The following DGKI variants were observed in gnomAD, a reference collection of about 807,000 sequenced individuals.
DGKI encodes diacylglycerol kinase iota.
In DGKI, 55 loss-of-function variants were observed where a neutral mutation model predicts 147.5. The observed-to-expected ratio is 0.37, with a 90% CI of 0.30 to 0.47. The LOEUF (loss-of-function observed/expected upper bound fraction) is 0.47, where lower values mean the gene tolerates loss of function less well. Among genes scored for constraint, DGKI ranks in the 20% least tolerant of loss-of-function variants. The pLI, the probability that DGKI is intolerant of heterozygous loss-of-function variation, is 1.00. For missense variants in DGKI, 1,007 were observed against 1,323.8 expected (o/e 0.76, Z 3.71); for synonymous variants, 469 against 477.1 (o/e 0.98, Z 0.22).
intron 9 of DGKI, among the ~76,000 whole-genome samples, 193 bp downstream of exon 9, chr7:137,609,342 A>G (rs920152215): frequency 1.3e-5 from 2 of 151,380 alleles, no homozygotes. Flanking sequence ...TTTCCAGGCA[A>G]GCGCAGAGGT....
At chr7:137,470,061 G>C (rs1814820577) in intron 23 of DGKI, among the ~76,000 whole-genome samples, 1 of 152,130 alleles carries the variant, frequency 6.6e-6, no homozygotes, top group Non-Finnish European at 1.5e-5. Flanking sequence ...AAAAGCAGCA[G>C]CCATCCATAC....
chr7:137,521,416 CATT>C (rs1269046480), intron 21 of DGKI, among the ~76,000 whole-genome samples: 2 of 152,088 alleles, frequency 1.3e-5, no homozygotes, highest in African/African-American at 4.8e-5. Flanking sequence ...CCTTCTCTGA[CATT>C]ATATAATAGC....
chr7:137,728,587 G>A (rs3778804), intron 1 of DGKI, among the ~76,000 whole-genome samples: 33,479 of 151,910 alleles, frequency 0.22, 6,834 homozygotes, highest in African/African-American at 0.53. Context: ...TCACATAGCC[G>A]GGCCTCTCCA....
At chr7:137,466,853 T>C (rs749328568) in intron 25 of DGKI, 49 bp downstream of exon 25, 2 of 1,595,964 alleles carry the variant, frequency 1.3e-6, no homozygotes, top group Admixed American at 1.7e-5. Flanking sequence ...ATAAAGCACA[T>C]TAACTTGGGA....
chr7:137,836,377 G>A lies in DGKI; in HGVS notation c.401+10085C>T, dbSNP rs115822477. 2.6e-3 allele frequency among the ~76,000 whole-genome samples: 391 copies of A among 152,332 alleles called. 2 individuals carry two copies. Among genetic ancestry groups the A allele is most frequent in the Middle Eastern group, 0.017 (5 of 294 alleles). ...ATACTGACGAATTCTGAAGGATGTTGTTATGGAAAAACTCATATTGCAAAG... is the reference window on the plus strand; with the variant it reads ...ATACTGACGAATTCTGAAGGATGTTATTATGGAAAAACTCATATTGCAAAG... On this transcript the variant is annotated intron_variant, in intron 1 of 32. Coordinates refer to ENST00000614521, the MANE Select transcript of DGKI (RefSeq NM_001321708.2).
Position 137,596,820 on chromosome 7 carries a change from G to A in DGKI, c.1311+1027C>T, listed in dbSNP as rs1819814912. Among the ~76,000 whole-genome samples the A allele has an allele frequency of 2.6e-5, 4 of 152,152 alleles. No individual in the cohort carries two copies. In the South Asian group the frequency reaches 8.3e-4, roughly 32 times the overall value. On this transcript the variant is annotated intron_variant, in intron 12 of 32. Coordinates refer to ENST00000614521, the MANE Select transcript of DGKI (RefSeq NM_001321708.2). ...ATCCAACCCTACATTAAGTGCTTAT[G>A]TGCTAAGAGAGATAGTATTCGAAGA...
intron 2 of DGKI, among the ~76,000 whole-genome samples, chr7:137,689,371 TTG>T (rs1382366746): frequency 6.6e-6 from 1 of 152,226 alleles, no homozygotes; most frequent in Non-Finnish European, 1.5e-5. Context: ...TTAATAGTTT[TTG>T]TGAGTGTGTT....
At chr7:137,611,335 T>A (rs1189631717) in intron 8 of DGKI, among the ~76,000 whole-genome samples, 1 of 152,170 alleles carries the variant, frequency 6.6e-6, no homozygotes, top group African/African-American at 2.4e-5. Context: ...CAGAGAGTTT[T>A]GAAAAATGCT....
chr7:137,395,903 C>G (rs1811532703), intron 31 of DGKI: 1 of 533,256 alleles, frequency 1.9e-6, no homozygotes, highest in South Asian at 2.9e-5. Flanking sequence ...ATATCTGACT[C>G]TAGCCCCCTT....
intron 1 of DGKI, among the ~76,000 whole-genome samples, chr7:137,825,913 C>G (rs1036088579): frequency 2.6e-5 from 4 of 152,104 alleles, no homozygotes; most frequent in Non-Finnish European, 5.9e-5. Context: ...AAAACTGCCT[C>G]TATTAAGTAA....
At chr7:137,676,836 C>T (rs868174383) in intron 3 of DGKI, among the ~76,000 whole-genome samples, 49 of 152,078 alleles carry the variant, frequency 3.2e-4, no homozygotes, top group East Asian at 1.7e-3. Flanking sequence ...AGAGGATATA[C>T]GTATCTGTTC....
Position 137,552,874 on chromosome 7 carries a change from C to T in DGKI, c.1948-306G>A, listed in dbSNP as rs536362849. Among the ~76,000 whole-genome samples the T allele has an allele frequency of 1.0e-3, 156 of 152,016 alleles. 1 individual carries two copies. The highest frequency in any genetic ancestry group is 3.5e-3 in the African/African-American group (146 of 41,456). On this transcript the variant is annotated intron_variant, in intron 19 of 32. Coordinates refer to ENST00000614521, the MANE Select transcript of DGKI (RefSeq NM_001321708.2). ...AGGTTGCAGTGAGCCGAGGTCAAGC[C>T]GCTGCACTCCAGCATGGGCAATAGA...
intron 21 of DGKI, among the ~76,000 whole-genome samples, chr7:137,490,681 A>G (rs1164754195): frequency 2.0e-5 from 3 of 152,150 alleles, no homozygotes; most frequent in Non-Finnish European, 4.4e-5. Flanking sequence ...CTTCTACACT[A>G]TGGTTAACCA....
chr7:137,381,706 T>C lies in DGKI; in HGVS notation c.*9514A>G, dbSNP rs961782310. The stretch of plus-strand genomic sequence containing the variant: ...GTCTGTATAATATTCAGATTCATGG[T>C]TGCCCACTTAACTATTGGTAATTTT... On this transcript the variant is annotated 3_prime_UTR_variant, in exon 33 of 33. Coordinates refer to ENST00000614521, the MANE Select transcript of DGKI (RefSeq NM_001321708.2). The C allele has an allele frequency of 1.3e-5, 2 of 152,108 alleles. No individual in the cohort carries two copies. Among genetic ancestry groups the C allele is most frequent in the Admixed American group, 6.6e-5 (1 of 15,250 alleles). The allele number at this position is 152,108 out of a possible 1,614,324, so 9.4% of individuals were successfully genotyped here. A position where few individuals can be genotyped will look rare whatever the true frequency, so the allele number is the denominator to read the frequency against.
At chr7:137,424,290 A>C (rs1490646004) in intron 28 of DGKI, among the ~76,000 whole-genome samples, 2 of 152,212 alleles carry the variant, frequency 1.3e-5, no homozygotes, top group Non-Finnish European at 2.9e-5. Flanking sequence ...GTCTTCAATT[A>C]TATTTATTAA....
intron 19 of DGKI, 49 bp downstream of exon 19, chr7:137,571,126 T>C: frequency 7.2e-7 from 1 of 1,384,144 alleles, no homozygotes; most frequent in Non-Finnish European, 9.9e-7. Context: ...TTGAATAAAC[T>C]CTGTGACTAA....
chr7:137,620,851 T>C (rs1291070134), intron 7 of DGKI, among the ~76,000 whole-genome samples: 1 of 152,222 alleles, frequency 6.6e-6, no homozygotes, highest in African/African-American at 2.4e-5. Context: ...TATGCAATAA[T>C]TATAGGCCTT....
chr7:137,450,525 C>T (rs1391545899), intron 27 of DGKI, among the ~76,000 whole-genome samples: 1 of 152,026 alleles, frequency 6.6e-6, no homozygotes, highest in African/African-American at 2.4e-5. Context: ...TTGACACCAG[C>T]CTGGCCAACA....
At chr7:137,486,027 A>T (rs145108890) in intron 22 of DGKI, among the ~76,000 whole-genome samples, 2 of 152,084 alleles carry the variant, frequency 1.3e-5, no homozygotes, top group African/African-American at 4.8e-5. Context: ...TTTATAACGA[A>T]CTTGTCACCA....
Sources: allele counts gnomAD v4.1 joint callset (sites outside exome capture counted in the v4.1 genomes callset), GRCh38; gene constraint gnomAD v4.1.1; transcripts MANE v1.5; gene names NCBI Gene and HGNC (gene_info 2026-07-23, HGNC 2026-07-21).